The following SDK2 variants were observed in gnomAD, a reference collection of about 807,000 sequenced individuals.
SDK2 encodes sidekick cell adhesion molecule 2, also known as protein sidekick-2.
In SDK2, 105 loss-of-function variants were observed where a neutral mutation model predicts 253.9. The observed-to-expected ratio is 0.41, with a 90% CI of 0.35 to 0.49. SDK2 has a LOEUF of 0.49. Ranked by LOEUF, SDK2 falls within the 20% of genes least tolerant of loss-of-function variation. The pLI is 0.06. For missense variants in SDK2, 2,608 were observed against 3,003.0 expected, an observed-to-expected ratio of 0.87 and a Z score of 3.07; for synonymous variants, 1,249 against 1,234.9, an observed-to-expected ratio of 1.01 and a Z score of -0.24.
chr17:73,594,424 A>G (rs1472852045), intron 1 of SDK2, among the ~76,000 whole-genome samples: 1 of 152,094 alleles, frequency 6.6e-6, no homozygotes, highest in Non-Finnish European at 1.5e-5. Context: ...CCCTAGAGGC[A>G]AGAACTTGGT....
intron 1 of SDK2, among the ~76,000 whole-genome samples, chr17:73,508,192 GGCCGCCTGGTTGCCCAGATGAT>G (rs1309391881): frequency 6.6e-6 from 1 of 152,254 alleles, no homozygotes; most frequent in African/African-American, 2.4e-5. Context: ...ACTCTAGGCT[GGCCGCCTGGTTGCCCAGATGAT>G]GGGTGAAGAG....
At chr17:73,389,520 C>T (rs916121247) in intron 29 of SDK2, among the ~76,000 whole-genome samples, 2 of 152,074 alleles carry the variant, frequency 1.3e-5, no homozygotes, top group Non-Finnish European at 2.9e-5. Context: ...GAGATGGTGT[C>T]TCACTATGTG....
Position 73,362,406 on chromosome 17 carries a change from A to T in SDK2, c.5306-561T>A, listed in dbSNP as rs1007620935. Among the ~76,000 whole-genome samples, 100 of 141,798 alleles carry T rather than the reference A, an allele frequency of 7.1e-4. 1 individual carries two copies. Among genetic ancestry groups the T allele is most frequent in the African/African-American group, 2.5e-3 (96 of 38,228 alleles). 93.0% of individuals were successfully genotyped at this position (141,798 alleles called of 152,430 possible). On this transcript the variant is annotated intron_variant, in intron 38 of 44. Transcript: ENST00000392650. ...CCCTCCAGCACCTATATCTGCCACAATTTTTTTTTTTTTTTTAAGACAAGG... is the reference window on the plus strand; with the variant it reads ...CCCTCCAGCACCTATATCTGCCACATTTTTTTTTTTTTTTTTAAGACAAGG...
chr17:73,535,464 G>A lies in SDK2; in HGVS notation c.65-27867C>T, dbSNP rs547867447. On this transcript the variant is annotated intron_variant, in intron 1 of 44. Transcript: ENST00000392650. Reference sequence around the variant, plus strand: ...GGCGGGGTGGGGCATTCTGCAGTCCGGCTGCCTCCTGGGGAACATAGACTG... The same window carrying A: ...GGCGGGGTGGGGCATTCTGCAGTCCAGCTGCCTCCTGGGGAACATAGACTG... Among the ~76,000 whole-genome samples the A allele has an allele frequency of 9.3e-4, 141 of 152,260 alleles. 2 individuals carry two copies. In the South Asian group the frequency reaches 0.015, roughly 16 times the overall value.
intron 1 of SDK2, among the ~76,000 whole-genome samples, chr17:73,537,082 G>A (rs979893224): frequency 2.0e-5 from 3 of 152,176 alleles, no homozygotes; most frequent in African/African-American, 7.2e-5. Context: ...GGTTGGAGGT[G>A]GCGGCTCAGG....
In SDK2 at chr17:73,419,322, C is replaced by G. The variant is rs1437301359; in HGVS notation, c.2046-16G>C. 1 of 1,609,004 alleles carries G rather than the reference C, an allele frequency of 6.2e-7. No individual in the cohort carries two copies. Among genetic ancestry groups the G allele is most frequent in the Non-Finnish European group, 8.5e-7 (1 of 1,179,114 alleles). ...GAGGGAGACCCTGGATCACAAAACA[C>G]CAATGCTCTTAGTCTTGGGGTCAAA... On this transcript the variant is annotated splice_polypyrimidine_tract_variant and intron_variant, in intron 15 of 44. Transcript: ENST00000392650.
At position 73,431,860 on chromosome 17, in the gene SDK2, G is replaced by A. The variant is rs771799540; in HGVS notation, c.1313-191C>T. ...CTGGAGAGCTTTCTGGCTTAGGGAC[G>A]GACACGAGGGCACAGGGTCTCAGAG... On this transcript the variant is annotated intron_variant, in intron 10 of 44. Coordinates refer to ENST00000392650, the MANE Select transcript of SDK2 (RefSeq NM_001144952.2). This position sits in a 1 kb window ranked among gnomAD's most constrained non-coding sequence, Gnocchi z 5.6. Among the ~76,000 whole-genome samples the A allele has an allele frequency of 2.0e-5, 3 of 152,156 alleles. No homozygotes were observed. The highest frequency in any genetic ancestry group is 2.1e-4 in the South Asian group (1 of 4,828).
In SDK2 at chr17:73,395,121, G is replaced by A; in HGVS notation, c.3592+34C>T. ...GGGCATAGAGACCAAGGAGGGGACA[G>A]GCAGCAGGGTGGCTGGGTGTGAGGG... On this transcript the variant is annotated intron_variant, in intron 25 of 44. Transcript: ENST00000392650. This position sits in a 1 kb window ranked among gnomAD's most constrained non-coding sequence, Gnocchi z 4.3. 1 of 1,522,106 alleles carries A rather than the reference G, an allele frequency of 6.6e-7. No homozygotes were observed. Among genetic ancestry groups the A allele is most frequent in the Non-Finnish European group, 8.9e-7 (1 of 1,124,344 alleles). The allele number at this position is 1,522,106 out of a possible 1,614,324, so 94.3% of individuals were successfully genotyped here.
rs910156844 is a variant in SDK2, at chr17:73,582,849, G to A, written c.64+61176C>T. Among the ~76,000 whole-genome samples the A allele has an allele frequency of 5.9e-5, 9 of 152,290 alleles. No homozygotes were observed. The South Asian group carries it at 1.2e-3, about 21-fold the overall frequency. On this transcript the variant is annotated intron_variant, in intron 1 of 44. Coordinates refer to ENST00000392650, the MANE Select transcript of SDK2 (RefSeq NM_001144952.2). The stretch of plus-strand genomic sequence containing the variant: ...CACTCTCACTTCTGTGTGCAGAAGC[G>A]TGGTGGTCAGGACTCACGTCTCGTC...
At chr17:73,491,230 T>G (rs2063804383) in intron 2 of SDK2, among the ~76,000 whole-genome samples, 1 of 152,142 alleles carries the variant, frequency 6.6e-6, no homozygotes, top group Non-Finnish European at 1.5e-5. Context: ...CTGACATGGC[T>G]CAACATATCC....
At chr17:73,583,090 G>A (rs1272381278) in intron 1 of SDK2, among the ~76,000 whole-genome samples, 1 of 152,148 alleles carries the variant, frequency 6.6e-6, no homozygotes, top group Non-Finnish European at 1.5e-5. Flanking sequence ...CACCTCCTTT[G>A]GGAAGCCCTA....
intron 2 of SDK2, among the ~76,000 whole-genome samples, chr17:73,491,180 C>G (rs924431866): frequency 6.6e-6 from 1 of 152,092 alleles, no homozygotes; most frequent in Admixed American, 6.5e-5. Context: ...TATTACTACT[C>G]CTTCATCTGT....
At chr17:73,625,842 G>C (rs2046193716) in intron 1 of SDK2, among the ~76,000 whole-genome samples, 1 of 152,000 alleles carries the variant, frequency 6.6e-6, no homozygotes. Flanking sequence ...ACAGGATTTT[G>C]TCATATTGGC....
Position 73,401,747 on chromosome 17 carries a change from C to A in SDK2, c.2686G>T (p.Gly896Trp). 1 of 1,573,782 alleles carries A rather than the reference C, an allele frequency of 6.4e-7. No individual in the cohort carries two copies. The highest frequency in any genetic ancestry group is 8.6e-7 in the Non-Finnish European group (1 of 1,158,634). The change falls in exon 20 of 45, where the codon GGG (glycine) becomes TGG (tryptophan). Residue 896 changes from glycine to tryptophan, a missense_variant. Around this residue, in one of 2 missense-constraint regions of SDK2, gnomAD observed 1,505 missense variants for 1,859.1 expected, o/e 0.81. Transcript: ENST00000392650. ...QLVRTHEDVP[G>W]PVGHLSFSEI... ...CTGAAGCTCAGGTGTCCCACGGGCC[C>A]AGGCACTGCACCCCAAAAGGAACCC...
chr17:73,369,344 G>C (rs769897757), intron 36 of SDK2: 4 of 274,526 alleles, frequency 1.5e-5, no homozygotes, highest in Non-Finnish European at 3.1e-5. Context: ...GGGCCACCCC[G>C]GGCCCGCTGC....
chr17:73,430,673 T>G, intron 11 of SDK2, 60 bp from the exon 12 acceptor site: 1 of 1,161,258 alleles, frequency 8.6e-7, no homozygotes, highest in Admixed American at 3.2e-5. Flanking sequence ...GTGGCTGGAC[T>G]CTGGGTGGAT....
chr17:73,346,672 C>T (rs12947464), intron 44 of SDK2, among the ~76,000 whole-genome samples: 49,704 of 152,014 alleles, frequency 0.33, 9,703 homozygotes, highest in Admixed American at 0.44. Context: ...GTCAAACTGA[C>T]GCTTTGTTTA....
intron 21 of SDK2, among the ~76,000 whole-genome samples, chr17:73,399,646 A>G (rs1427407938): frequency 6.6e-6 from 1 of 152,204 alleles, no homozygotes. Flanking sequence ...AGCTGTGCTG[A>G]GAAAGAAACC....
intron 1 of SDK2, among the ~76,000 whole-genome samples, chr17:73,636,024 T>C (rs1484662019): frequency 6.6e-6 from 1 of 152,128 alleles, no homozygotes; most frequent in Non-Finnish European, 1.5e-5. Flanking sequence ...TCTACACCCC[T>C]CCCTGGACCA....
Sources: gnomAD v4.1 joint callset for allele counts (sites outside exome capture counted in the v4.1 genomes callset) on GRCh38, gnomAD v4.1.1 for gene constraint, gnomAD v4.1.1 regional missense constraint, Gnocchi (gnomAD v3.1) non-coding constraint, MANE v1.5 for transcripts, NCBI Gene and HGNC (gene_info 2026-07-23, HGNC 2026-07-21) for gene names.